Variants in PTPRG observed in about 807,000 individuals in gnomAD.
The protein encoded by PTPRG is protein tyrosine phosphatase receptor type G.
A neutral mutation model predicts 165.3 loss-of-function variants in PTPRG; 102 were observed. That is an observed-to-expected ratio of 0.62 (90% confidence interval 0.53 to 0.73). The LOEUF (loss-of-function observed/expected upper bound fraction) is 0.73. Among genes scored for constraint, PTPRG ranks in the 30% least tolerant of loss-of-function variants. The pLI, the probability that PTPRG is intolerant of heterozygous loss-of-function variation, is 0.00. For missense variants in PTPRG, 1,866 were observed against 1,861.4 expected, an observed-to-expected ratio of 1.00 and a Z score of -0.05; for synonymous variants, 675 against 669.5, an observed-to-expected ratio of 1.01 and a Z score of -0.13.
At chr3:61,959,234 T>G (rs1437508357) in intron 2 of PTPRG, among the ~76,000 whole-genome samples, 1 of 152,002 alleles carries the variant, frequency 6.6e-6, no homozygotes, top group Non-Finnish European at 1.5e-5. Flanking sequence ...GGGTCAAGAG[T>G]CCACCTGTGT....
At chr3:62,152,399 C>T (rs1167811002) in intron 6 of PTPRG, among the ~76,000 whole-genome samples, 1 of 152,030 alleles carries the variant, frequency 6.6e-6, no homozygotes, top group African/African-American at 2.4e-5. Context: ...GAAGAGTTTA[C>T]GTTTTCAGCT....
At chr3:62,109,818 T>C (rs1284580453) in intron 5 of PTPRG, among the ~76,000 whole-genome samples, 2 of 152,194 alleles carry the variant, frequency 1.3e-5, no homozygotes, top group African/African-American at 4.8e-5. Context: ...ATCTATGCTT[T>C]CTGGTAAATT....
intron 2 of PTPRG, among the ~76,000 whole-genome samples, chr3:61,947,526 T>C (rs2039789582): frequency 6.6e-6 from 1 of 152,116 alleles, no homozygotes; most frequent in Non-Finnish European, 1.5e-5. Context: ...GGAGGTGACT[T>C]GTATCCGTTA....
chr3:61,639,632 T>G (rs1283645247), intron 1 of PTPRG, among the ~76,000 whole-genome samples: 1 of 152,182 alleles, frequency 6.6e-6, no homozygotes, highest in Non-Finnish European at 1.5e-5. Context: ...CCTGCTTGAT[T>G]AGATGTATTC....
At chr3:62,070,145 G>A (rs979805485) in intron 4 of PTPRG, among the ~76,000 whole-genome samples, 12 of 152,008 alleles carry the variant, frequency 7.9e-5, no homozygotes, top group African/African-American at 2.9e-4. Flanking sequence ...TTCTTTTGTT[G>A]AAGTATTAAA....
At chr3:61,759,561 G>A (rs527413278) in intron 2 of PTPRG, among the ~76,000 whole-genome samples, 1 of 152,220 alleles carries the variant, frequency 6.6e-6, no homozygotes, top group African/African-American at 2.4e-5. Flanking sequence ...GAAGGCTGAG[G>A]TGGGAGGATC....
intron 2 of PTPRG, among the ~76,000 whole-genome samples, chr3:61,931,123 C>T (rs770556308): frequency 6.6e-6 from 1 of 152,130 alleles, no homozygotes; most frequent in African/African-American, 2.4e-5. Context: ...GTTCCTGCAG[C>T]CTCCCCAACC....
chr3:61,739,906 G>A (rs2032911921), intron 1 of PTPRG, among the ~76,000 whole-genome samples: 1 of 152,168 alleles, frequency 6.6e-6, no homozygotes, highest in African/African-American at 2.4e-5. Flanking sequence ...TTGGGAACAT[G>A]ACCCAGCTCT....
chr3:61,929,664 G>C (rs1401290650), intron 2 of PTPRG, among the ~76,000 whole-genome samples: 1 of 152,224 alleles, frequency 6.6e-6, no homozygotes, highest in African/African-American at 2.4e-5. Flanking sequence ...TGAAAAATGA[G>C]CACAGGTTGT....
chr3:61,953,769 AG>A (rs1247311658), intron 2 of PTPRG, among the ~76,000 whole-genome samples: 1 of 152,220 alleles, frequency 6.6e-6, no homozygotes, highest in African/African-American at 2.4e-5. Flanking sequence ...TGTGAGGGCC[AG>A]GGGAAGGAAA....
chr3:62,132,651 AGGGTGTCGTACATCATG>A lies in PTPRG; in HGVS notation c.667_682+1del. 1 of 1,611,686 alleles carries A rather than the reference AGGGTGTCGTACATCATG, an allele frequency of 6.2e-7. No homozygotes were observed. The highest frequency in any genetic ancestry group is 8.5e-7 in the Non-Finnish European group (1 of 1,177,804). ...CTGGATCCTATTATCCACGGGTTGA[AGGGTGTCGTACATCATG>A]GTAAGTATGCCACATACACTTCCTT... On this transcript the variant is annotated frameshift_variant and splice_region_variant, in exon 6 of 30. Coordinates refer to ENST00000474889, the MANE Select transcript of PTPRG (RefSeq NM_002841.4). LOFTEE classifies it high-confidence loss of function.
chr3:61,729,060 TCAAAAAAA>T (rs1251228516), intron 1 of PTPRG, among the ~76,000 whole-genome samples: 4 of 79,320 alleles, frequency 5.0e-5, no homozygotes, highest in African/African-American at 1.8e-4. Context: ...AGACCCTGTC[TCAAAAAAA>T]CAAACAAACA....
intron 15 of PTPRG, among the ~76,000 whole-genome samples, chr3:62,251,522 G>A (rs1318123152): frequency 7.9e-5 from 12 of 152,210 alleles, no homozygotes; most frequent in Middle Eastern, 3.4e-3. Flanking sequence ...ACTATACCTA[G>A]CTACTTAGGA....
chr3:62,264,145 GA>G (rs778448006), intron 17 of PTPRG: 1,634 of 130,424 alleles, frequency 0.013, 9 homozygotes, highest in Middle Eastern at 0.084. Context: ...GACTCCATCT[GA>G]AAAAAAAAAA....
At chr3:61,844,551 A>C (rs1355025025) in intron 2 of PTPRG, among the ~76,000 whole-genome samples, 1 of 152,102 alleles carries the variant, frequency 6.6e-6, no homozygotes, top group Non-Finnish European at 1.5e-5. Context: ...CCTGTCACTC[A>C]GGCTGGAGTA....
chr3:62,103,119 T>A (rs760709409), intron 5 of PTPRG, among the ~76,000 whole-genome samples: 2 of 152,196 alleles, frequency 1.3e-5, no homozygotes, highest in African/African-American at 4.8e-5. Flanking sequence ...CATTTTTTCC[T>A]AACCCTCAGC....
chr3:61,707,661 T>C (rs1355365046), intron 1 of PTPRG, among the ~76,000 whole-genome samples: 1 of 152,216 alleles, frequency 6.6e-6, no homozygotes, highest in Non-Finnish European at 1.5e-5. Flanking sequence ...GTTAATCTCA[T>C]CCAAAACACC....
At chr3:61,732,754 A>G (rs143913652) in intron 1 of PTPRG, among the ~76,000 whole-genome samples, 1 of 138,916 alleles carries the variant, frequency 7.2e-6, no homozygotes. Context: ...ATAAATAAAT[A>G]AATAAATCTT....
intron 1 of PTPRG, among the ~76,000 whole-genome samples, chr3:61,708,888 G>A (rs2031405348): frequency 6.6e-6 from 1 of 152,144 alleles, no homozygotes; most frequent in Non-Finnish European, 1.5e-5. Context: ...GCCTTTCAGG[G>A]GCGCACTTGC....
Sources: gnomAD v4.1 joint callset for allele counts (sites outside exome capture counted in the v4.1 genomes callset) on GRCh38, gnomAD v4.1.1 for gene constraint, MANE v1.5 for transcripts, NCBI Gene and HGNC (gene_info 2026-07-23, HGNC 2026-07-21) for gene names.